PHKB: variants seen among roughly 807,000 people sequenced by gnomAD.
PHKB encodes phosphorylase b kinase regulatory subunit beta.
A neutral mutation model predicts 152.1 loss-of-function variants in PHKB; 122 were observed. The ratio of observed to expected loss-of-function variants is 0.80; its 90% confidence interval spans 0.69 to 0.93. The LOEUF (loss-of-function observed/expected upper bound fraction) is 0.93, where lower values mean the gene tolerates loss of function less well. PHKB is among the 40% of genes least tolerant of loss of function. The pLI is 0.00. For missense variants in PHKB, 1,304 were observed against 1,328.4 expected (o/e 0.98, Z 0.29); for synonymous variants, 436 against 464.9 (o/e 0.94, Z 0.80).
At chr16:47,698,242 GAT>G (rs1243811122) in intron 29 of PHKB, among the ~76,000 whole-genome samples, 3 of 151,990 alleles carry the variant, frequency 2.0e-5, no homozygotes, top group Non-Finnish European at 2.9e-5. Context: ...CATTTCTAGG[GAT>G]ACACACAATG....
chr16:47,664,256 A>G (rs1973497033), intron 24 of PHKB: 1 of 158,458 alleles, frequency 6.3e-6, no homozygotes. Context: ...GGAAAGTTTA[A>G]ATAAATAAAA....
At chr16:47,634,670 G>C (rs1449553612) in intron 14 of PHKB, among the ~76,000 whole-genome samples, 1 of 152,138 alleles carries the variant, frequency 6.6e-6, no homozygotes, top group African/African-American at 2.4e-5. Flanking sequence ...TCTGCAACCT[G>C]GAGGAGAAAA....
At chr16:47,481,296 G>A (rs980301124) in intron 1 of PHKB, among the ~76,000 whole-genome samples, 3 of 152,168 alleles carry the variant, frequency 2.0e-5, no homozygotes, top group African/African-American at 7.2e-5. Flanking sequence ...GTAGCACAGG[G>A]TCATATTTTA....
Position 47,606,076 on chromosome 16 carries a change from G to C in PHKB, c.1364-4750G>C, listed in dbSNP as rs181303805. Among the ~76,000 whole-genome samples, 357 of 152,316 alleles carry C rather than the reference G, an allele frequency of 2.3e-3. 1 individual carries two copies. Among genetic ancestry groups the C allele is most frequent in the African/African-American group, 8.0e-3 (331 of 41,562 alleles). On this transcript the variant is annotated intron_variant, in intron 13 of 30. Coordinates refer to ENST00000323584, the MANE Select transcript of PHKB (RefSeq NM_000293.3). Reference sequence around the variant, plus strand: ...TGCCTGGAGCTTAATAACTGTGTAGGTATTGCTGCTGCTGCAGAGGCAGCG... The same window carrying C: ...TGCCTGGAGCTTAATAACTGTGTAGCTATTGCTGCTGCTGCAGAGGCAGCG...
chr16:47,681,770 A>G (rs1973862156), intron 26 of PHKB, among the ~76,000 whole-genome samples: 1 of 152,152 alleles, frequency 6.6e-6, no homozygotes, highest in Non-Finnish European at 1.5e-5. Context: ...GCCCATTTAC[A>G]TTTAAAGTTA....
chr16:47,463,846 A>G, intron 1 of PHKB: 2 of 1,304,046 alleles, frequency 1.5e-6, no homozygotes, highest in Non-Finnish European at 2.2e-6. Context: ...CTTTCAATTA[A>G]TTTAACACTG....
intron 27 of PHKB, among the ~76,000 whole-genome samples, chr16:47,690,586 C>A (rs1974042673): frequency 6.6e-6 from 1 of 152,122 alleles, no homozygotes; most frequent in African/African-American, 2.4e-5. Flanking sequence ...TTCTTACATA[C>A]CCATGAGTCT....
At chr16:47,464,942 T>G (rs1969641960) in intron 1 of PHKB, among the ~76,000 whole-genome samples, 1 of 152,190 alleles carries the variant, frequency 6.6e-6, no homozygotes, top group South Asian at 2.1e-4. Context: ...CCAAACACAG[T>G]GAAAACTCCT....
intron 6 of PHKB, among the ~76,000 whole-genome samples, chr16:47,535,578 C>T (rs748294444): frequency 5.9e-5 from 9 of 152,088 alleles, no homozygotes; most frequent in Non-Finnish European, 4.4e-5. Flanking sequence ...TAATTGTTTG[C>T]TTTTGGAGTT....
At chr16:47,656,376 C>T (rs1282782915) in intron 20 of PHKB, among the ~76,000 whole-genome samples, 1 of 152,100 alleles carries the variant, frequency 6.6e-6, no homozygotes, top group African/African-American at 2.4e-5. Flanking sequence ...TTTACTTTTT[C>T]CTTCTTTTAT....
intron 13 of PHKB, among the ~76,000 whole-genome samples, chr16:47,607,981 C>A (rs1460749425): frequency 1.3e-5 from 2 of 151,136 alleles, no homozygotes; most frequent in African/African-American, 4.8e-5. Flanking sequence ...TGTATATCTC[C>A]TTTGGAGAAA....
chr16:47,598,580 T>A (rs1972164236), intron 13 of PHKB: 1 of 865,468 alleles, frequency 1.2e-6, no homozygotes, highest in Non-Finnish European at 1.8e-6. Flanking sequence ...GTCAGTAATA[T>A]GAACACGCCC....
intron 3 of PHKB, 37 bp downstream of exon 3, chr16:47,499,931 T>C (rs1970297040): frequency 6.2e-7 from 1 of 1,612,744 alleles, no homozygotes; most frequent in Non-Finnish European, 8.5e-7. Flanking sequence ...ACTTTGAGAG[T>C]GGATAATAGG....
At chr16:47,660,884 A>G in intron 22 of PHKB, 65 bp downstream of exon 22, 2 of 1,494,700 alleles carry the variant, frequency 1.3e-6, no homozygotes, top group Non-Finnish European at 1.9e-6. Context: ...TCCCAGAATC[A>G]GACCATATGT....
intron 7 of PHKB, chr16:47,566,728 T>C: frequency 2.6e-6 from 2 of 764,932 alleles, no homozygotes; most frequent in Non-Finnish European, 4.8e-6. Context: ...TCATCATTAC[T>C]GTTCCAAGTT....
At chr16:47,559,325 G>A (rs1020356839) in intron 7 of PHKB, among the ~76,000 whole-genome samples, 1 of 152,096 alleles carries the variant, frequency 6.6e-6, no homozygotes, top group Admixed American at 6.6e-5. Flanking sequence ...TAATTGTTCT[G>A]GGTACATGGT....
chr16:47,552,004 A>C (rs2151675320), intron 7 of PHKB, among the ~76,000 whole-genome samples: 1 of 152,158 alleles, frequency 6.6e-6, no homozygotes, highest in East Asian at 1.9e-4. Flanking sequence ...TGTTGATTTA[A>C]AGTCTGTTTT....
intron 26 of PHKB, among the ~76,000 whole-genome samples, chr16:47,688,349 A>G (rs1974000958): frequency 3.3e-5 from 5 of 152,216 alleles, no homozygotes; most frequent in Admixed American, 2.6e-4. Context: ...AATATAGTAA[A>G]TGGAAGAAAT....
chr16:47,487,063 C>T (rs1331587843), intron 1 of PHKB, among the ~76,000 whole-genome samples: 2 of 152,194 alleles, frequency 1.3e-5, no homozygotes, highest in African/African-American at 2.4e-5. Context: ...AGGTGGTAAA[C>T]ACTGACTGAT....
Sources: gnomAD v4.1 joint callset for allele counts (sites outside exome capture counted in the v4.1 genomes callset) on GRCh38, gnomAD v4.1.1 for gene constraint, MANE v1.5 for transcripts, NCBI Gene and HGNC (gene_info 2026-07-23, HGNC 2026-07-21) for gene names.